The following PROS1 variants were observed in gnomAD, a reference collection of about 807,000 sequenced individuals.
PROS1 encodes the protein vitamin K-dependent protein S.
Under a neutral mutation model 75.9 loss-of-function variants are expected in PROS1, and 29 were observed. That is an observed-to-expected ratio of 0.38 (90% confidence interval 0.28 to 0.52). The LOEUF (loss-of-function observed/expected upper bound fraction) is 0.52, where lower values mean the gene tolerates loss of function less well. Among genes scored for constraint, PROS1 ranks in the 20% least tolerant of loss-of-function variants. The pLI is 0.83. For missense variants in PROS1, 680 were observed against 810.3 expected, an observed-to-expected ratio of 0.84 and a Z score of 1.95; for synonymous variants, 245 against 280.6, an observed-to-expected ratio of 0.87 and a Z score of 1.27.
intron 1 of PROS1, among the ~76,000 whole-genome samples, chr3:93,931,298 G>A (rs1709101928): frequency 6.6e-6 from 1 of 152,092 alleles, no homozygotes; most frequent in African/African-American, 2.4e-5. Context: ...TGTCCATGAT[G>A]TACCTGATTT....
intron 1 of PROS1, among the ~76,000 whole-genome samples, chr3:93,952,473 T>A (rs982914041): frequency 2.0e-5 from 3 of 152,258 alleles, no homozygotes; most frequent in African/African-American, 7.2e-5. Context: ...TGCTCCTGAA[T>A]GACTACTGGG....
intron 1 of PROS1, among the ~76,000 whole-genome samples, chr3:93,940,588 G>A (rs1240528163): frequency 6.6e-6 from 1 of 151,964 alleles, no homozygotes; most frequent in East Asian, 1.9e-4. Flanking sequence ...CACATCTTAA[G>A]CAAATTATCT....
intron 9 of PROS1, among the ~76,000 whole-genome samples, chr3:93,895,324 A>G (rs1219210595): frequency 1.3e-5 from 2 of 152,132 alleles, no homozygotes; most frequent in Non-Finnish European, 2.9e-5. Context: ...TTCTCTCATT[A>G]TTATTCTCAT....
chr3:93,925,616 T>C (rs1576197340), intron 2 of PROS1, among the ~76,000 whole-genome samples: 1 of 151,962 alleles, frequency 6.6e-6, no homozygotes, highest in Admixed American at 6.6e-5. Context: ...GGTGGGCAGA[T>C]TGCTCGAGCC....
chr3:93,971,320 C>T (rs990511296), intron 1 of PROS1, among the ~76,000 whole-genome samples: 1 of 151,576 alleles, frequency 6.6e-6, no homozygotes, highest in African/African-American at 2.4e-5. Context: ...TGCACTCCTG[C>T]ACTCCAGCCT....
chr3:93,943,424 C>T (rs907534574), intron 1 of PROS1, among the ~76,000 whole-genome samples: 1 of 150,478 alleles, frequency 6.6e-6, no homozygotes, highest in African/African-American at 2.5e-5. Flanking sequence ...TCATACAAAA[C>T]TGTATCCAGG....
In PROS1 at chr3:93,877,269, A is replaced by G. The variant is rs567971071; in HGVS notation, c.1645-78T>C. Reference sequence around the variant, plus strand: ...TTAAGAGTGACTTTTGAGTTTTTGAAAGTCAAAAACTAAATTTCAATAAGG... The same window carrying G: ...TTAAGAGTGACTTTTGAGTTTTTGAGAGTCAAAAACTAAATTTCAATAAGG... On this transcript the variant is annotated intron_variant, in intron 13 of 14. Coordinates refer to ENST00000394236, the MANE Select transcript of PROS1 (RefSeq NM_000313.4). 10 of 1,140,680 alleles carry G rather than the reference A, an allele frequency of 8.8e-6. No homozygotes were observed. In the Admixed American group the frequency reaches 2.0e-4, roughly 23 times the overall value. 70.7% of individuals were successfully genotyped at this position (1,140,680 alleles called of 1,614,324 possible). A position where few individuals can be genotyped will look rare whatever the true frequency, so the allele number is the denominator to read the frequency against.
In PROS1 at chr3:93,877,202, G is replaced by A. The variant is rs761687493; in HGVS notation, c.1645-11C>T. On this transcript the variant is annotated splice_polypyrimidine_tract_variant and intron_variant, in intron 13 of 14. Coordinates refer to ENST00000394236, the MANE Select transcript of PROS1 (RefSeq NM_000313.4). ...AGATAACAGAATATCCTGAAGAGCAGAGCAAAGATTCAATATAAGCAAGGA... is the reference window on the plus strand; with the variant it reads ...AGATAACAGAATATCCTGAAGAGCAAAGCAAAGATTCAATATAAGCAAGGA... The A allele has an allele frequency of 1.3e-6, 2 of 1,568,598 alleles. No homozygotes were observed. The highest frequency in any genetic ancestry group is 1.1e-5 in the South Asian group (1 of 89,926).
chr3:93,928,017 T>TTC (rs1709053401), intron 1 of PROS1, among the ~76,000 whole-genome samples: 1 of 54,598 alleles, frequency 1.8e-5, no homozygotes, highest in Non-Finnish European at 4.8e-5. Flanking sequence ...ATATATTTTT[T>TTC]TTTTTTTTTT....
At chr3:93,972,697 A>AT (rs936928305) in intron 1 of PROS1, among the ~76,000 whole-genome samples, 3 of 151,804 alleles carry the variant, frequency 2.0e-5, no homozygotes, top group Non-Finnish European at 4.4e-5. Context: ...AAAAAAAAAA[A>AT]AAATAGCCGG....
At chr3:93,919,523 GAT>G (rs1463451200) in intron 3 of PROS1, among the ~76,000 whole-genome samples, 1 of 147,778 alleles carries the variant, frequency 6.8e-6, no homozygotes, top group Non-Finnish European at 1.5e-5. Context: ...TTATATTTTT[GAT>G]ATTTATTTGA....
intron 1 of PROS1, among the ~76,000 whole-genome samples, chr3:93,942,317 C>T (rs1225661262): frequency 2.0e-5 from 3 of 152,178 alleles, no homozygotes; most frequent in African/African-American, 7.2e-5. Flanking sequence ...CGTCCATATC[C>T]TGCACTACCA....
At chr3:93,883,176 A>G (rs1413564980) in intron 12 of PROS1, among the ~76,000 whole-genome samples, 2 of 152,182 alleles carry the variant, frequency 1.3e-5, no homozygotes, top group Non-Finnish European at 2.9e-5. Context: ...CTTCTCTGCC[A>G]TGTTAGCAAA....
intron 4 of PROS1, among the ~76,000 whole-genome samples, chr3:93,909,888 A>G: frequency 6.6e-6 from 1 of 152,152 alleles, no homozygotes; most frequent in Non-Finnish European, 1.5e-5. Flanking sequence ...TTTTATCAAA[A>G]TTATTATTAT....
At chr3:93,940,275 G>T (rs972510364) in intron 1 of PROS1, among the ~76,000 whole-genome samples, 15 of 152,298 alleles carry the variant, frequency 9.8e-5, no homozygotes, top group African/African-American at 2.9e-4. Context: ...AGCGGCTGAA[G>T]ACTGACACTG....
At chr3:93,955,043 T>C (rs1306844735) in intron 1 of PROS1, among the ~76,000 whole-genome samples, 1 of 152,190 alleles carries the variant, frequency 6.6e-6, no homozygotes, top group African/African-American at 2.4e-5. Flanking sequence ...CTCTCACCAG[T>C]TAGAATGGCA....
At chr3:93,969,449 C>G (rs1407502764) in intron 1 of PROS1, among the ~76,000 whole-genome samples, 1 of 152,190 alleles carries the variant, frequency 6.6e-6, no homozygotes, top group Non-Finnish European at 1.5e-5. Context: ...AGCATCCATT[C>G]TTTTGTGGGA....
chr3:93,910,556 A>G, intron 4 of PROS1, 63 bp downstream of exon 4: 1 of 1,318,958 alleles, frequency 7.6e-7, no homozygotes, highest in Admixed American at 1.8e-5. Flanking sequence ...TTATATTACC[A>G]TGGGTGTACT....
At chr3:93,946,273 A>G (rs529546690) in intron 1 of PROS1, among the ~76,000 whole-genome samples, 43 of 152,300 alleles carry the variant, frequency 2.8e-4, no homozygotes, top group Non-Finnish European at 3.2e-4. Flanking sequence ...TCAAGCTACC[A>G]ATGACTTTCT....
Sources: allele counts gnomAD v4.1 joint callset (sites outside exome capture counted in the v4.1 genomes callset), GRCh38; gene constraint gnomAD v4.1.1; transcripts MANE v1.5; gene names NCBI Gene and HGNC (gene_info 2026-07-23, HGNC 2026-07-21).